The following OSBPL1A variants were observed in gnomAD, a reference collection of about 807,000 sequenced individuals.
The protein encoded by OSBPL1A is oxysterol binding protein like 1A, also known as oxysterol-binding protein-related protein 1.
A neutral mutation model predicts 137.1 loss-of-function variants in OSBPL1A; 80 were observed. That is an observed-to-expected ratio of 0.58 (90% CI 0.49 to 0.70). OSBPL1A has a LOEUF of 0.70. Ranked by LOEUF, OSBPL1A falls within the 30% of genes least tolerant of loss-of-function variation. The pLI is 0.00. For synonymous variants in OSBPL1A, 365 were observed against 389.7 expected, an observed-to-expected ratio of 0.94 and a Z score of 0.75; for missense variants, 970 against 1,129.4, an observed-to-expected ratio of 0.86 and a Z score of 2.02.
chr18:24,189,209 G>A (rs1489463838), intron 18 of OSBPL1A, among the ~76,000 whole-genome samples: 1 of 152,212 alleles, frequency 6.6e-6, no homozygotes. Flanking sequence ...TTTCACTTGA[G>A]CACTAGAGAA....
chr18:24,168,952 T>C (rs1169369893), intron 24 of OSBPL1A, among the ~76,000 whole-genome samples: 2 of 152,244 alleles, frequency 1.3e-5, no homozygotes, highest in Non-Finnish European at 2.9e-5. Flanking sequence ...AAGGCAAGCA[T>C]GTTGGGGAGA....
chr18:24,324,412 G>T (rs1599668007), intron 7 of OSBPL1A, among the ~76,000 whole-genome samples: 1 of 41,126 alleles, frequency 2.4e-5, no homozygotes, highest in African/African-American at 1.6e-4. Flanking sequence ...AGATGCTTCT[G>T]TCTTGCCCTC....
At chr18:24,261,649 A>AG (rs1161324164) in intron 15 of OSBPL1A, among the ~76,000 whole-genome samples, 2 of 152,254 alleles carry the variant, frequency 1.3e-5, no homozygotes, top group East Asian at 3.9e-4. Context: ...CTTGGGCAAC[A>AG]GGGCAAAACC....
chr18:24,288,985 A>G (rs2090123662), intron 14 of OSBPL1A, among the ~76,000 whole-genome samples: 1 of 152,184 alleles, frequency 6.6e-6, no homozygotes, highest in East Asian at 1.9e-4. Context: ...TAGTACTTGA[A>G]TGGGAGAACT....
At chr18:24,326,830 CAACTAA>C (rs1287048277) in intron 7 of OSBPL1A, among the ~76,000 whole-genome samples, 1 of 152,136 alleles carries the variant, frequency 6.6e-6, no homozygotes, top group East Asian at 1.9e-4. Flanking sequence ...GAAACATTAA[CAACTAA>C]AACTAAAACA....
intron 15 of OSBPL1A, among the ~76,000 whole-genome samples, chr18:24,260,028 G>C (rs952557472): frequency 1.3e-5 from 2 of 152,030 alleles, no homozygotes; most frequent in Admixed American, 6.5e-5. Context: ...ATGGGCAAAG[G>C]ACTCAGACAT....
At chr18:24,390,827 C>T (rs1490830214) in intron 1 of OSBPL1A, among the ~76,000 whole-genome samples, 4 of 151,562 alleles carry the variant, frequency 2.6e-5, no homozygotes. Flanking sequence ...TGGCCAGGTG[C>T]AGTGGCTCAC....
chr18:24,301,336 G>T (rs1290201330), intron 14 of OSBPL1A: 1 of 152,186 alleles, frequency 6.6e-6, no homozygotes, highest in East Asian at 1.9e-4. Flanking sequence ...TGAAACAAGA[G>T]ATTTGACTCA....
chr18:24,271,767 C>A lies in OSBPL1A; in HGVS notation c.1281+9075G>T, dbSNP rs935788202. On this transcript the variant is annotated intron_variant, in intron 15 of 27. Coordinates refer to ENST00000319481, the MANE Select transcript of OSBPL1A (RefSeq NM_080597.4). The surrounding 1 kb of genome is among the most constrained non-coding windows in gnomAD (Gnocchi z 4.0). ...CCGGGAGGCGCGACCCAGGGCGGCCCGCAAGGTCTCCCTAAGTCACCTTTG... is the reference window on the plus strand; with the variant it reads ...CCGGGAGGCGCGACCCAGGGCGGCCAGCAAGGTCTCCCTAAGTCACCTTTG... The A allele has an allele frequency of 1.5e-5, 15 of 985,386 alleles. No individual in the cohort carries two copies. Among genetic ancestry groups the A allele is most frequent in the Non-Finnish European group, 1.7e-5 (14 of 830,030 alleles). 61.0% of individuals were successfully genotyped at this position (985,386 alleles called of 1,614,324 possible). A position where few individuals can be genotyped will look rare whatever the true frequency, so the allele number is the denominator to read the frequency against.
At chr18:24,385,106 C>T (rs185572086) in intron 1 of OSBPL1A, among the ~76,000 whole-genome samples, 3 of 151,810 alleles carry the variant, frequency 2.0e-5, no homozygotes, top group Admixed American at 6.6e-5. Context: ...AGGCGCCCGC[C>T]ACCACACCCG....
chr18:24,317,913 TG>T (rs1325283437), intron 9 of OSBPL1A, among the ~76,000 whole-genome samples: 1 of 152,208 alleles, frequency 6.6e-6, no homozygotes, highest in Non-Finnish European at 1.5e-5. Flanking sequence ...ATATGTACCA[TG>T]TGATAATTCA....
At chr18:24,250,849 C>A (rs1215708987) in intron 15 of OSBPL1A, among the ~76,000 whole-genome samples, 1 of 152,180 alleles carries the variant, frequency 6.6e-6, no homozygotes, top group African/African-American at 2.4e-5. Context: ...CAATTCTGGA[C>A]CTGCCCTGGG....
intron 14 of OSBPL1A, among the ~76,000 whole-genome samples, chr18:24,286,857 G>T (rs1486275104): frequency 2.6e-5 from 4 of 152,082 alleles, no homozygotes; most frequent in African/African-American, 9.7e-5. Flanking sequence ...GCTAAGTGCT[G>T]GAGAAAAAGG....
intron 17 of OSBPL1A, among the ~76,000 whole-genome samples, chr18:24,213,650 A>AT: frequency 6.6e-6 from 1 of 152,242 alleles, no homozygotes; most frequent in Non-Finnish European, 1.5e-5. Flanking sequence ...ACTTAAAATT[A>AT]TTTTTCATTT....
intron 22 of OSBPL1A, 82 bp downstream of exon 22, chr18:24,172,294 C>A: frequency 9.5e-7 from 1 of 1,054,036 alleles, no homozygotes; most frequent in Non-Finnish European, 1.4e-6. Context: ...TCTTTAAAAA[C>A]AAACAAAACA....
At chr18:24,287,369 A>G (rs2090083419) in intron 14 of OSBPL1A, among the ~76,000 whole-genome samples, 1 of 152,224 alleles carries the variant, frequency 6.6e-6, no homozygotes, top group South Asian at 2.1e-4. Context: ...AGTCTTGGAA[A>G]GGTCTGTGCC....
At position 24,318,634 on chromosome 18, in the gene OSBPL1A, T is replaced by C; in HGVS notation, c.699A>G (p.Lys233=). 1 of 1,610,306 alleles carries C rather than the reference T, an allele frequency of 6.2e-7. No individual in the cohort carries two copies. The highest frequency in any genetic ancestry group is 8.5e-7 in the Non-Finnish European group (1 of 1,179,314). ...GAGGGCCCTCATATCGTTTCAATGC[T>C]TTGTAGATGACCTGTCAAAAACATG... is the stretch of plus-strand genomic sequence containing the variant. ...HILVGNKVIY[K]ALKRYEGPLW... is the part of the protein sequence containing the mutation. Residue 233 remains lysine (K), a synonymous_variant, in exon 9 of 28, where the codon AAA becomes AAG. Transcript: ENST00000319481.
At chr18:24,351,528 T>G (rs558088014) in intron 4 of OSBPL1A, among the ~76,000 whole-genome samples, 23 of 151,054 alleles carry the variant, frequency 1.5e-4, no homozygotes, top group African/African-American at 4.1e-4. Flanking sequence ...TGCAATTGTT[T>G]TTTGTTTGTT....
chr18:24,337,709 A>T (rs1358598446), intron 5 of OSBPL1A, among the ~76,000 whole-genome samples: 1 of 151,788 alleles, frequency 6.6e-6, no homozygotes, highest in East Asian at 1.9e-4. Flanking sequence ...CCAGGATGGG[A>T]GGGGAAAATG....
Sources: gnomAD v4.1 joint callset for allele counts (sites outside exome capture counted in the v4.1 genomes callset) on GRCh38, gnomAD v4.1.1 for gene constraint, Gnocchi (gnomAD v3.1) non-coding constraint, MANE v1.5 for transcripts, NCBI Gene and HGNC (gene_info 2026-07-23, HGNC 2026-07-21) for gene names.